Variants in PPFIA2 observed in about 807,000 individuals in gnomAD.
The protein encoded by PPFIA2 is PPFI scaffold protein A2.
A neutral mutation model predicts 175.5 loss-of-function variants in PPFIA2; 46 were observed. That is an observed-to-expected ratio of 0.26 (90% CI 0.21 to 0.34). The LOEUF is 0.34. PPFIA2 is among the 10% of genes least tolerant of loss of function. PPFIA2 has a pLI of 1.00. For synonymous variants in PPFIA2, 568 were observed against 511.4 expected (o/e 1.11, Z -1.49); for missense variants, 1,179 against 1,506.1 (o/e 0.78, Z 3.60).
intron 4 of PPFIA2, among the ~76,000 whole-genome samples, chr12:81,490,812 TCCCC>T (rs1336952837): frequency 3.3e-5 from 5 of 151,932 alleles, no homozygotes; most frequent in African/African-American, 1.2e-4. Context: ...CTTATACTGG[TCCCC>T]ATAGATTTTC....
chr12:81,404,717 C>A (rs1303897486), intron 8 of PPFIA2, among the ~76,000 whole-genome samples: 2 of 152,132 alleles, frequency 1.3e-5, no homozygotes, highest in African/African-American at 4.8e-5. Flanking sequence ...TCCGGAAATT[C>A]ATCTGATTTA....
chr12:81,383,503 G>A (rs972870260), intron 9 of PPFIA2, among the ~76,000 whole-genome samples: 3 of 151,762 alleles, frequency 2.0e-5, no homozygotes, highest in Non-Finnish European at 4.4e-5. Flanking sequence ...AATGACTAAA[G>A]TACTCATTTT....
intron 3 of PPFIA2, among the ~76,000 whole-genome samples, chr12:81,725,601 A>G (rs1286221944): frequency 6.6e-6 from 1 of 151,008 alleles, no homozygotes; most frequent in Non-Finnish European, 1.5e-5. Context: ...TAACTCATAA[A>G]GTTAGAAAAA....
At chr12:81,635,955 T>C (rs534873406) in intron 4 of PPFIA2, among the ~76,000 whole-genome samples, 22 of 152,160 alleles carry the variant, frequency 1.4e-4, no homozygotes, top group African/African-American at 4.8e-4. Flanking sequence ...CGTGAAATGT[T>C]TGAATTTTAG....
At chr12:81,702,432 A>C (rs2076609921) in intron 3 of PPFIA2, among the ~76,000 whole-genome samples, 1 of 152,164 alleles carries the variant, frequency 6.6e-6, no homozygotes, top group Non-Finnish European at 1.5e-5. Flanking sequence ...ACTCCAGTGA[A>C]ATCAATCTTG....
At chr12:81,396,357 CT>C (rs2041133304) in intron 8 of PPFIA2, among the ~76,000 whole-genome samples, 1 of 151,980 alleles carries the variant, frequency 6.6e-6, no homozygotes, top group Non-Finnish European at 1.5e-5. Flanking sequence ...TAAACACATG[CT>C]GTGCTATAAT....
intron 4 of PPFIA2, among the ~76,000 whole-genome samples, chr12:81,616,853 A>G (rs1311308094): frequency 6.6e-6 from 1 of 152,210 alleles, no homozygotes; most frequent in Non-Finnish European, 1.5e-5. Flanking sequence ...ACTGGCAGTC[A>G]CAGTCATGCA....
chr12:81,258,490 C>T lies in PPFIA2; in HGVS notation c.*1204G>A, dbSNP rs1469106785. On this transcript the variant is annotated 3_prime_UTR_variant, in exon 33 of 33. Coordinates refer to ENST00000549396, the MANE Select transcript of PPFIA2 (RefSeq NM_003625.5). ...AAATGGTATTATTAAATAGGCTTTA[C>T]TTTGAATCTCCCATATAAACAAAGA... The T allele has an allele frequency of 1.3e-5, 2 of 152,098 alleles. No individual in the cohort carries two copies. Among genetic ancestry groups the T allele is most frequent in the African/African-American group, 4.8e-5 (2 of 41,440 alleles). The allele number at this position is 152,098 out of a possible 1,614,324, so 9.4% of individuals were successfully genotyped here.
chr12:81,526,043 C>T (rs1043990570), intron 4 of PPFIA2, among the ~76,000 whole-genome samples: 3 of 152,148 alleles, frequency 2.0e-5, no homozygotes, highest in African/African-American at 7.2e-5. Context: ...CAATAGCAGA[C>T]ATTGATGAAT....
At chr12:81,384,353 G>T in intron 8 of PPFIA2, 109 bp from the exon 9 acceptor site, 1 of 829,616 alleles carries the variant, frequency 1.2e-6, no homozygotes, top group Non-Finnish European at 1.8e-6. Context: ...TGAGAAATAA[G>T]AAATTCTGAA....
chr12:81,558,859 A>T (rs2069374247), intron 4 of PPFIA2, among the ~76,000 whole-genome samples: 1 of 152,132 alleles, frequency 6.6e-6, no homozygotes, highest in African/African-American at 2.4e-5. Flanking sequence ...ATTCTATATC[A>T]CACAATGGCA....
At chr12:81,377,500 C>A (rs2036637981) in intron 9 of PPFIA2, among the ~76,000 whole-genome samples, 1 of 151,740 alleles carries the variant, frequency 6.6e-6, no homozygotes, top group Admixed American at 6.6e-5. Flanking sequence ...TTGCAGTGAG[C>A]CGAGATCGCA....
At position 81,259,231 on chromosome 12, in the gene PPFIA2, C is replaced by A; in HGVS notation, c.*463G>T. The A allele has an allele frequency of 4.1e-6, 1 of 244,992 alleles. No individual in the cohort carries two copies. Among genetic ancestry groups the A allele is most frequent in the South Asian group, 4.5e-5 (1 of 22,112 alleles). 15.2% of individuals were successfully genotyped at this position (244,992 alleles called of 1,614,324 possible). ...AAATGGTGGAATGGTAAAATACAAACAGTACTTGGAATTGTCAAATGTTTG... is the reference window on the plus strand; with the variant it reads ...AAATGGTGGAATGGTAAAATACAAAAAGTACTTGGAATTGTCAAATGTTTG... On this transcript the variant is annotated 3_prime_UTR_variant, in exon 33 of 33. Transcript: ENST00000549396.
chr12:81,647,778 T>A (rs971050864), intron 4 of PPFIA2, among the ~76,000 whole-genome samples: 9 of 120,672 alleles, frequency 7.5e-5, no homozygotes, highest in South Asian at 5.2e-4. Context: ...TATATATATA[T>A]AATATACATA....
chr12:81,649,650 A>C (rs1459191305), intron 4 of PPFIA2, among the ~76,000 whole-genome samples: 1 of 152,194 alleles, frequency 6.6e-6, no homozygotes, highest in African/African-American at 2.4e-5. Flanking sequence ...CTTAATATCT[A>C]TCAAATGGCA....
chr12:81,453,626 A>G (rs1292228921), intron 5 of PPFIA2, among the ~76,000 whole-genome samples: 1 of 152,110 alleles, frequency 6.6e-6, no homozygotes, highest in African/African-American at 2.4e-5. Flanking sequence ...GTATGTTTCT[A>G]TAAATATCCA....
At chr12:81,342,925 C>T (rs2058389548) in intron 19 of PPFIA2, among the ~76,000 whole-genome samples, 1 of 142,226 alleles carries the variant, frequency 7.0e-6, no homozygotes, top group Non-Finnish European at 1.5e-5. Context: ...ACATTGTGCA[C>T]ATGTACCCTA....
chr12:81,382,635 T>C (rs2037988388), intron 9 of PPFIA2, among the ~76,000 whole-genome samples: 1 of 152,022 alleles, frequency 6.6e-6, no homozygotes. Flanking sequence ...AGGGGAGAGA[T>C]CTTAAGGACA....
At chr12:81,264,228 T>C (rs749334272) in intron 30 of PPFIA2, among the ~76,000 whole-genome samples, 17 of 152,212 alleles carry the variant, frequency 1.1e-4, no homozygotes, top group Non-Finnish European at 2.4e-4. Flanking sequence ...TTTTAGAATG[T>C]AGCATAGCAA....
Sources: gnomAD v4.1 joint callset for allele counts (sites outside exome capture counted in the v4.1 genomes callset) on GRCh38, gnomAD v4.1.1 for gene constraint, MANE v1.5 for transcripts, NCBI Gene and HGNC (gene_info 2026-07-23, HGNC 2026-07-21) for gene names.